Variants in FAM149B1 observed in about 807,000 individuals in gnomAD.
The protein encoded by FAM149B1 is primary cilium assembly protein FAM149B1.
Under a neutral mutation model 75.3 loss-of-function variants are expected in FAM149B1, and 56 were observed. The observed-to-expected ratio is 0.74, with a 90% CI of 0.60 to 0.93. FAM149B1 has a LOEUF of 0.93. Ranked by LOEUF, FAM149B1 falls within the 40% of genes least tolerant of loss-of-function variation. The pLI is 0.00. For missense variants in FAM149B1, 639 were observed against 708.4 expected, an observed-to-expected ratio of 0.90 and a Z score of 1.11; for synonymous variants, 259 against 256.1, an observed-to-expected ratio of 1.01 and a Z score of -0.11.
chr10:73,232,877 A>T (rs1564715033), intron 9 of FAM149B1, 62 bp from the exon 10 acceptor site: 3 of 985,282 alleles, frequency 3.0e-6, no homozygotes, highest in East Asian at 2.6e-5. Flanking sequence ...TTACCCCGTT[A>T]GTCTTGTCTT....
At chr10:73,210,751 A>G (rs2043168825) in intron 7 of FAM149B1, among the ~76,000 whole-genome samples, 1 of 152,098 alleles carries the variant, frequency 6.6e-6, no homozygotes, top group Non-Finnish European at 1.5e-5. Context: ...TGAGCCCAGG[A>G]GGTCAAGTCT....
chr10:73,217,955 T>C (rs2133379500), intron 7 of FAM149B1, among the ~76,000 whole-genome samples: 1 of 152,330 alleles, frequency 6.6e-6, no homozygotes, highest in Non-Finnish European at 1.5e-5. Flanking sequence ...CAGAATCTTA[T>C]CATCTAAATC....
intron 3 of FAM149B1, among the ~76,000 whole-genome samples, chr10:73,185,681 C>T (rs1005680521): frequency 6.6e-6 from 1 of 152,134 alleles, no homozygotes; most frequent in African/African-American, 2.4e-5. Context: ...AATCAAAGAA[C>T]ACTTTCCAAT....
At position 73,210,450 on chromosome 10, in the gene FAM149B1, T is replaced by C. The variant is rs948176895; in HGVS notation, c.898+12T>C. The C allele has an allele frequency of 8.6e-6, 13 of 1,507,216 alleles. No homozygotes were observed. Among genetic ancestry groups the C allele is most frequent in the Middle Eastern group, 1.7e-4 (1 of 5,824 alleles). 93.4% of individuals were successfully genotyped at this position (1,507,216 alleles called of 1,614,324 possible). A position where few individuals can be genotyped will look rare whatever the true frequency, so the allele number is the denominator to read the frequency against. Reference sequence around the variant, plus strand: ...AGGATTTGCCTCTGGTAAGGATCTTTGTGAAAATAATGTAAAAATCAATTG... The same window carrying C: ...AGGATTTGCCTCTGGTAAGGATCTTCGTGAAAATAATGTAAAAATCAATTG... On this transcript the variant is annotated intron_variant, in intron 7 of 13. Transcript: ENST00000242505.
intron 7 of FAM149B1, among the ~76,000 whole-genome samples, chr10:73,221,291 A>T (rs1447841944): frequency 6.6e-6 from 1 of 152,204 alleles, no homozygotes; most frequent in East Asian, 1.9e-4. Flanking sequence ...ATTTTTAAAA[A>T]AATTTTTAAA....
chr10:73,208,783 ATATGTGAGTAT>A lies in FAM149B1; in HGVS notation c.710+2_710+12del. 2.0e-6 allele frequency: 3 copies of A among 1,489,930 alleles called. No homozygotes were observed. Among genetic ancestry groups the A allele is most frequent in the Non-Finnish European group, 2.7e-6 (3 of 1,110,682 alleles). 92.3% of individuals were successfully genotyped at this position (1,489,930 alleles called of 1,614,324 possible). The stretch of plus-strand genomic sequence containing the variant: ...GAATACCTAGCATTCGATCACATAG[ATATGTGAGTAT>A]TATGCCTTTTAAGCTTTTTACTCCC... On this transcript the variant is annotated splice_donor_variant and splice_donor_5th_base_variant and coding_sequence_variant and intron_variant, in exon 6 of 14. Coordinates refer to ENST00000242505, the MANE Select transcript of FAM149B1 (RefSeq NM_173348.2). LOFTEE classifies it high-confidence loss of function.
chr10:73,187,958 C>T (rs2042572486), intron 3 of FAM149B1, among the ~76,000 whole-genome samples: 1 of 152,028 alleles, frequency 6.6e-6, no homozygotes, highest in Non-Finnish European at 1.5e-5. Context: ...TGGTGCAGGC[C>T]TGTAGTCCCA....
At chr10:73,197,003 GTTTTGTT>G (rs546181079) in intron 5 of FAM149B1, among the ~76,000 whole-genome samples, 89 of 152,158 alleles carry the variant, frequency 5.8e-4, no homozygotes, top group Admixed American at 5.9e-4. Flanking sequence ...TTTCTTTTTG[GTTTTGTT>G]TTTTGTTTTT....
chr10:73,224,035 TTATTG>T (rs760301835), intron 7 of FAM149B1, among the ~76,000 whole-genome samples: 13 of 152,216 alleles, frequency 8.5e-5, no homozygotes, highest in Non-Finnish European at 1.8e-4. Context: ...TAAGATTATT[TTATTG>T]TATTGTAACT....
rs202011059 is a variant in FAM149B1, at chr10:73,192,506, A to AG, written c.283-49dup. The AG allele has an allele frequency of 1.1e-3, 1,710 of 1,513,372 alleles. 17 individuals are homozygous for AG. The African/African-American group carries it at 0.021, about 18-fold the overall frequency. The allele number at this position is 1,513,372 out of a possible 1,614,324, so 93.7% of individuals were successfully genotyped here. A position where few individuals can be genotyped will look rare whatever the true frequency, so the allele number is the denominator to read the frequency against. On this transcript the variant is annotated intron_variant, in intron 3 of 13. Transcript: ENST00000242505. ...GCTTTTAATCTTTATAATTTTTAAC[A>AG]GAGAGTGAATCAGCTCACCTAAATA...
rs1168657770 is a variant in FAM149B1 at position 73,230,449 on chromosome 10, C to G, written c.1051C>G (p.Gln351Glu). 5 of 1,548,966 alleles carry G rather than the reference C, an allele frequency of 3.2e-6. No individual in the cohort carries two copies. The highest frequency in any genetic ancestry group is 4.4e-6 in the Non-Finnish European group (5 of 1,144,392). Residue 351 changes from glutamine (Q) to glutamate (E), a missense_variant, in exon 9 of 14, where the codon CAG becomes GAG. Coordinates refer to ENST00000242505, the MANE Select transcript of FAM149B1 (RefSeq NM_173348.2). ...PMSLCQASRH[Q>E]PNVNDLLVHG... ...GAGTCTCTGTCAAGCAAGCAGACAT[C>G]AGCCAAATGTGAATGATCTCTTGGT...
chr10:73,243,094 A>G lies in FAM149B1; in HGVS notation c.*2075A>G, dbSNP rs1279418254. 2.3e-5 allele frequency: 7 copies of G among 300,912 alleles called. No homozygotes were observed. The highest frequency in any genetic ancestry group is 1.1e-4 in the African/African-American group (5 of 45,300). 18.6% of individuals were successfully genotyped at this position (300,912 alleles called of 1,614,324 possible). A position where few individuals can be genotyped will look rare whatever the true frequency, so the allele number is the denominator to read the frequency against. ...CAGCATGAACAGAACCACATCCTAG[A>G]TAAGAGTTCTGTGTACAGAAGATCC... On this transcript the variant is annotated 3_prime_UTR_variant, in exon 14 of 14. Coordinates refer to ENST00000242505, the MANE Select transcript of FAM149B1 (RefSeq NM_173348.2).
chr10:73,244,438 A>G lies in FAM149B1; in HGVS notation c.*3419A>G, dbSNP rs1404463251. 6.6e-6 allele frequency: 1 copy of G among 152,420 alleles called. No homozygotes were observed. Among genetic ancestry groups the G allele is most frequent in the Non-Finnish European group, 1.5e-5 (1 of 68,348 alleles). 9.4% of individuals were successfully genotyped at this position (152,420 alleles called of 1,614,324 possible). A position where few individuals can be genotyped will look rare whatever the true frequency, so the allele number is the denominator to read the frequency against. On this transcript the variant is annotated 3_prime_UTR_variant, in exon 14 of 14. Transcript: ENST00000242505. ...CTTCAGTCTGAGAGTTCAGGCTGCA[A>G]TAAGCTGTGATCATGCCTCTGCACT...
At position 73,174,436 on chromosome 10, in the gene FAM149B1, T is replaced by C. The variant is rs1383376318; in HGVS notation, c.48-251T>C. 2.6e-5 allele frequency among the ~76,000 whole-genome samples: 4 copies of C among 152,340 alleles called. No homozygotes were observed. In the East Asian group the frequency reaches 7.7e-4, roughly 29 times the overall value. On this transcript the variant is annotated intron_variant, in intron 1 of 13. Transcript: ENST00000242505. ...TTAAGAATATATTTTAACAACCCAA[T>C]ATATCCAAAATATTATCATTTTAAT...
intron 3 of FAM149B1, among the ~76,000 whole-genome samples, chr10:73,186,762 G>A (rs941287662): frequency 6.6e-6 from 1 of 152,196 alleles, no homozygotes; most frequent in Non-Finnish European, 1.5e-5. Context: ...AACATGCTAA[G>A]TGAAAGAAGC....
At chr10:73,171,093 C>T (rs1843692470) in intron 1 of FAM149B1, among the ~76,000 whole-genome samples, 1 of 152,022 alleles carries the variant, frequency 6.6e-6, no homozygotes, top group Non-Finnish European at 1.5e-5. Context: ...CTCAGCTTCC[C>T]AAGTCACAGG....
intron 3 of FAM149B1, among the ~76,000 whole-genome samples, chr10:73,181,033 G>A (rs2042384873): frequency 6.7e-6 from 1 of 148,438 alleles, no homozygotes; most frequent in Non-Finnish European, 1.5e-5. Context: ...TTGAGACGGA[G>A]TGTCGCATTG....
chr10:73,240,470 T>G (rs768751479), intron 13 of FAM149B1, among the ~76,000 whole-genome samples: 8 of 152,206 alleles, frequency 5.3e-5, no homozygotes, highest in Non-Finnish European at 1.0e-4. Context: ...CCCAGCACTT[T>G]CGGAGGCCAA....
At chr10:73,213,070 C>T (rs1436152312) in intron 7 of FAM149B1, among the ~76,000 whole-genome samples, 4 of 152,172 alleles carry the variant, frequency 2.6e-5, no homozygotes, top group Non-Finnish European at 2.9e-5. Flanking sequence ...TGGTCTCAAA[C>T]TCCTGGGCTC....
Sources: gnomAD v4.1 joint callset for allele counts (sites outside exome capture counted in the v4.1 genomes callset) on GRCh38, gnomAD v4.1.1 for gene constraint, MANE v1.5 for transcripts, NCBI Gene and HGNC (gene_info 2026-07-23, HGNC 2026-07-21) for gene names.